The following GALNT14 variants were observed in gnomAD, a reference collection of about 807,000 sequenced individuals.
GALNT14 encodes the protein UDP-GalNAc:polypeptide N-acetylgalactosaminyltransferase 14.
A neutral mutation model predicts 77.5 loss-of-function variants in GALNT14; 60 were observed. That is an observed-to-expected ratio of 0.77 (90% CI 0.63 to 0.96). The LOEUF is 0.96. Among genes scored for constraint, GALNT14 ranks in the 40% least tolerant of loss-of-function variants. GALNT14 has a pLI of 0.00. For synonymous variants in GALNT14, 280 were observed against 281.7 expected, an observed-to-expected ratio of 0.99 and a Z score of 0.06; for missense variants, 710 against 731.0, an observed-to-expected ratio of 0.97 and a Z score of 0.33.
intron 1 of GALNT14, among the ~76,000 whole-genome samples, chr2:31,025,453 A>T (rs1193995782): frequency 6.6e-6 from 1 of 152,180 alleles, no homozygotes; most frequent in African/African-American, 2.4e-5. Flanking sequence ...AGCACAAGTG[A>T]CAAGCTAAGG....
chr2:31,136,326 G>A (rs1326092326), intron 1 of GALNT14, among the ~76,000 whole-genome samples: 2 of 150,592 alleles, frequency 1.3e-5, no homozygotes, highest in African/African-American at 5.0e-5. Flanking sequence ...ACAACGTGCT[G>A]TGTCATTCCT....
At chr2:31,130,783 T>TGTGTGTGTGTGTGTGTGTGTGTGTGC (rs1181788023) in intron 1 of GALNT14, among the ~76,000 whole-genome samples, 1 of 118,634 alleles carries the variant, frequency 8.4e-6, no homozygotes, top group African/African-American at 3.7e-5. Flanking sequence ...TGTGTGTGTG[T>TGTGTGTGTGTGTGTGTGTGTGTGTGC]GCGCGCGCAC....
At chr2:31,113,696 C>T (rs1677951614) in intron 1 of GALNT14, among the ~76,000 whole-genome samples, 1 of 152,166 alleles carries the variant, frequency 6.6e-6, no homozygotes, top group South Asian at 2.1e-4. Flanking sequence ...ACAAACACCA[C>T]CACTTTAAGT....
chr2:31,063,359 CAGATGGT>C, intron 1 of GALNT14, among the ~76,000 whole-genome samples: 1 of 152,150 alleles, frequency 6.6e-6, no homozygotes, highest in Non-Finnish European at 1.5e-5. Flanking sequence ...TGTCAAACAT[CAGATGGT>C]TGTGGATGTG....
At chr2:31,083,948 CG>C (rs1676282704) in intron 1 of GALNT14, among the ~76,000 whole-genome samples, 1 of 152,114 alleles carries the variant, frequency 6.6e-6, no homozygotes, top group Non-Finnish European at 1.5e-5. Flanking sequence ...GGTGAGCTGC[CG>C]GGGATCTCGC....
intron 1 of GALNT14, chr2:31,065,530 A>G (rs1674890910): frequency 6.6e-6 from 1 of 152,414 alleles, no homozygotes; most frequent in African/African-American, 2.4e-5. Context: ...GATCATGAGC[A>G]GATGGCATCA....
intron 2 of GALNT14, among the ~76,000 whole-genome samples, chr2:30,974,198 T>C (rs1438189579): frequency 2.0e-5 from 3 of 152,230 alleles, no homozygotes; most frequent in East Asian, 3.8e-4. Context: ...TATTCTCTAA[T>C]CCTGCCTCTT....
intron 6 of GALNT14, among the ~76,000 whole-genome samples, chr2:30,947,626 G>A (rs754470228): frequency 7.2e-5 from 11 of 152,264 alleles, no homozygotes; most frequent in Non-Finnish European, 8.8e-5. Context: ...AAACCAGCAG[G>A]TCCCTGGGAA....
intron 6 of GALNT14, among the ~76,000 whole-genome samples, chr2:30,946,817 C>A (rs1666724304): frequency 6.6e-6 from 1 of 152,090 alleles, no homozygotes; most frequent in South Asian, 2.1e-4. Flanking sequence ...TTAATTGTCC[C>A]CTGCAGATGA....
chr2:30,992,949 T>C lies in GALNT14; in HGVS notation c.188A>G (p.Asn63Ser), dbSNP rs1330959083. The change falls in exon 2 of 15, where the codon AAT becomes AGT. Residue 63 changes from asparagine (N) to serine (S), a missense_variant. Physicochemically the swap from Asn to Ser is conservative, Grantham distance 46. Coordinates refer to ENST00000349752, the MANE Select transcript of GALNT14 (RefSeq NM_024572.4). ...WDQFDERRYL[N>S]AKKWRVGDDP... ...GTCACCAACGCGCCACTTTTTGGCA[T>C]TCAGATACCGCCGCTCATCAAACTG... The C allele has an allele frequency of 6.2e-7, 1 of 1,614,052 alleles. No homozygotes were observed. The highest frequency in any genetic ancestry group is 1.3e-5 in the African/African-American group (1 of 74,920).
At chr2:30,903,260 T>C in the GALNT14 span, among the ~76,000 whole-genome samples, 4 of 152,240 alleles carry the variant, frequency 2.6e-5, no homozygotes, top group African/African-American at 9.6e-5. Flanking sequence ...GGGAAACAGA[T>C]ACCTGCTTAG....
chr2:30,985,099 A>G (rs980979418), intron 2 of GALNT14, among the ~76,000 whole-genome samples: 2 of 152,190 alleles, frequency 1.3e-5, no homozygotes, highest in African/African-American at 4.8e-5. Flanking sequence ...GACTTGGCAT[A>G]TGGCAATTGC....
chr2:31,046,265 C>T lies in GALNT14; in HGVS notation c.130-53258G>A, dbSNP rs576018191. Among the ~76,000 whole-genome samples the T allele has an allele frequency of 3.6e-3, 519 of 145,510 alleles. 1 individual carries two copies. The highest frequency in any genetic ancestry group is 5.5e-3 in the Non-Finnish European group (372 of 67,082). On this transcript the variant is annotated intron_variant, in intron 1 of 14. Coordinates refer to ENST00000349752, the MANE Select transcript of GALNT14 (RefSeq NM_024572.4). ...TTTTTGAGATGGAGTCTCGCTCTGT[C>T]GCCCAGGCTGGAGTGCAGCGGCACA...
intron 13 of GALNT14, among the ~76,000 whole-genome samples, chr2:30,923,055 C>T (rs1558406604): frequency 2.2e-5 from 3 of 133,630 alleles, no homozygotes; most frequent in Non-Finnish European, 4.6e-5. Context: ...GACAAACGTG[C>T]CTTTTTTTTT....
chr2:31,132,134 G>C (rs1181594122), intron 1 of GALNT14, among the ~76,000 whole-genome samples: 1 of 152,142 alleles, frequency 6.6e-6, no homozygotes, highest in East Asian at 1.9e-4. Context: ...AGTGGGCTAG[G>C]AGAGTGAAAG....
At chr2:30,987,910 T>G (rs1159735637) in intron 2 of GALNT14, among the ~76,000 whole-genome samples, 1 of 152,194 alleles carries the variant, frequency 6.6e-6, no homozygotes, top group Non-Finnish European at 1.5e-5. Flanking sequence ...GTAAGAAAAT[T>G]GGAAGCAAAT....
At chr2:30,927,437 C>T (rs1665454330) in intron 11 of GALNT14, among the ~76,000 whole-genome samples, 1 of 152,194 alleles carries the variant, frequency 6.6e-6, no homozygotes, top group Admixed American at 6.5e-5. Flanking sequence ...AATCTGCGTG[C>T]ACATTAATGT....
At chr2:31,090,729 G>A (rs1440427498) in intron 1 of GALNT14, among the ~76,000 whole-genome samples, 2 of 151,640 alleles carry the variant, frequency 1.3e-5, no homozygotes, top group East Asian at 2.0e-4. Flanking sequence ...TGATCCACCC[G>A]CTTCGGCCTC....
intron 1 of GALNT14, among the ~76,000 whole-genome samples, chr2:31,010,426 C>T (rs1381705696): frequency 6.6e-6 from 1 of 152,178 alleles, no homozygotes; most frequent in Non-Finnish European, 1.5e-5. Context: ...GGTAAAACCC[C>T]ATCTCTACTA....
Sources: gnomAD v4.1 joint callset for allele counts (sites outside exome capture counted in the v4.1 genomes callset) on GRCh38, gnomAD v4.1.1 for gene constraint, MANE v1.5 for transcripts, NCBI Gene and HGNC (gene_info 2026-07-23, HGNC 2026-07-21) for gene names.